Variants in TMEFF1 observed in about 807,000 individuals in gnomAD.
TMEFF1 encodes transmembrane protein with EGF like and two follistatin like domains 1, also known as tomoregulin-1.
Under a neutral mutation model 47.5 loss-of-function variants are expected in TMEFF1, and 20 were observed. The observed-to-expected ratio is 0.42, with a 90% confidence interval of 0.30 to 0.61. The LOEUF (loss-of-function observed/expected upper bound fraction) is 0.61. TMEFF1 is among the 20% of genes least tolerant of loss of function. The probability of loss-of-function intolerance (pLI) is 0.19; values close to 1 mark genes in which losing one functional copy is unlikely to be tolerated. For missense variants in TMEFF1, 411 were observed against 471.1 expected (o/e 0.87, Z 1.18); for synonymous variants, 162 against 166.3 (o/e 0.97, Z 0.20).
chr9:100,475,157 G>C (rs1001593399), intron 1 of TMEFF1, among the ~76,000 whole-genome samples: 2 of 152,164 alleles, frequency 1.3e-5, no homozygotes, highest in African/African-American at 4.8e-5. Context: ...TCTTGAAGGG[G>C]CATTATTTCT....
chr9:100,538,087 C>A (rs1054449438), intron 5 of TMEFF1, among the ~76,000 whole-genome samples: 2 of 152,030 alleles, frequency 1.3e-5, no homozygotes, highest in Non-Finnish European at 2.9e-5. Context: ...GACAGACTCT[C>A]ATGTTGCCAG....
chr9:100,477,111 G>A (rs914471429), intron 1 of TMEFF1, among the ~76,000 whole-genome samples: 2 of 152,198 alleles, frequency 1.3e-5, no homozygotes, highest in Non-Finnish European at 2.9e-5. Flanking sequence ...GTCAGGCTGT[G>A]CGTGTTGGGT....
At chr9:100,540,858 T>C (rs1049538082) in intron 5 of TMEFF1, among the ~76,000 whole-genome samples, 1 of 151,986 alleles carries the variant, frequency 6.6e-6, no homozygotes, top group African/African-American at 2.4e-5. Flanking sequence ...GTTGTTCTTA[T>C]ATGTTTCCTC....
intron 5 of TMEFF1, among the ~76,000 whole-genome samples, chr9:100,547,139 C>A (rs1564024646): frequency 6.6e-6 from 1 of 152,226 alleles, no homozygotes; most frequent in Admixed American, 6.5e-5. Flanking sequence ...CCTCAGCCTT[C>A]CAAGTAGTGG....
intron 7 of TMEFF1, among the ~76,000 whole-genome samples, chr9:100,560,574 G>A (rs1042679683): frequency 2.0e-5 from 3 of 152,106 alleles, no homozygotes; most frequent in African/African-American, 2.4e-5. Flanking sequence ...TATATACAGA[G>A]AATGAATGAG....
chr9:100,503,593 C>T (rs1037160656), intron 2 of TMEFF1, among the ~76,000 whole-genome samples: 1 of 150,504 alleles, frequency 6.6e-6, no homozygotes, highest in Admixed American at 6.6e-5. Context: ...TGAGAGCGAG[C>T]GAGCAATAAG....
rs1318879714 is a variant in TMEFF1, at chr9:100,473,772, C to A, written c.196+32C>A. On this transcript the variant is annotated intron_variant, in intron 1 of 9. Coordinates refer to ENST00000374879, the MANE Select transcript of TMEFF1 (RefSeq NM_003692.5). The surrounding 1 kb of genome is among the most constrained non-coding windows in gnomAD (Gnocchi z 5.4). ...CCGGTCGGAGCCGGCCCTAGGTCTT[C>A]CCACCCCTCCGTTGCCGCCTCCCTC... is the stretch of plus-strand genomic sequence containing the variant. The A allele has an allele frequency of 4.9e-6, 7 of 1,442,756 alleles. No homozygotes were observed. In the African/African-American group the frequency reaches 8.8e-5, roughly 18 times the overall value. 89.4% of individuals were successfully genotyped at this position (1,442,756 alleles called of 1,614,324 possible).
chr9:100,571,937 C>A (rs1489278205), intron 8 of TMEFF1, among the ~76,000 whole-genome samples: 1 of 152,022 alleles, frequency 6.6e-6, no homozygotes, highest in Non-Finnish European at 1.5e-5. Flanking sequence ...GAATCTAATG[C>A]CAGTGCTGAT....
chr9:100,473,854 G>A lies in TMEFF1; in HGVS notation c.196+114G>A. On this transcript the variant is annotated intron_variant, in intron 1 of 9. Transcript: ENST00000374879. The surrounding 1 kb of genome is among the most constrained non-coding windows in gnomAD (Gnocchi z 5.4). ...ACCCCGTCGTGGGGGTCCCAGGGGT[G>A]GGCCCGAGGGTGAGCGAGGGCGGAG... 1 of 1,251,674 alleles carries A rather than the reference G, an allele frequency of 8.0e-7. No homozygotes were observed. The highest frequency in any genetic ancestry group is 2.0e-5 in the South Asian group (1 of 49,280). 77.5% of individuals were successfully genotyped at this position (1,251,674 alleles called of 1,614,324 possible).
intron 1 of TMEFF1, among the ~76,000 whole-genome samples, chr9:100,474,174 G>A (rs1837175578): frequency 6.6e-6 from 1 of 151,188 alleles, no homozygotes; most frequent in Admixed American, 6.6e-5. Context: ...ACGGCGAGGG[G>A]GCTGGGCGGG....
chr9:100,488,490 T>C (rs1268574931), intron 1 of TMEFF1, among the ~76,000 whole-genome samples: 2 of 152,338 alleles, frequency 1.3e-5, no homozygotes, highest in African/African-American at 2.4e-5. Context: ...TATGGACACA[T>C]GAGAGGTTGT....
chr9:100,497,437 AT>A (rs916969332), intron 1 of TMEFF1, among the ~76,000 whole-genome samples: 1 of 150,680 alleles, frequency 6.6e-6, no homozygotes, highest in African/African-American at 2.4e-5. Flanking sequence ...AAGAAAGATA[AT>A]TTTTTTGTAA....
At position 100,576,652 on chromosome 9, in the gene TMEFF1, T is replaced by C; in HGVS notation, c.*52T>C. ...CCATGTGATGTACATTTATTATGTC[T>C]TTTTTTAAAGAATGGAAATATTTAT... On this transcript the variant is annotated 3_prime_UTR_variant, in exon 10 of 10. Transcript: ENST00000374879. 1 of 1,547,200 alleles carries C rather than the reference T, an allele frequency of 6.5e-7. No homozygotes were observed. Among genetic ancestry groups the C allele is most frequent in the East Asian group, 2.3e-5 (1 of 44,050 alleles).
At chr9:100,561,106 A>G (rs1587856225) in intron 7 of TMEFF1, among the ~76,000 whole-genome samples, 1 of 152,200 alleles carries the variant, frequency 6.6e-6, no homozygotes, top group African/African-American at 2.4e-5. Context: ...AAAGGTGTTT[A>G]GTTTTCTTTG....
intron 5 of TMEFF1, among the ~76,000 whole-genome samples, chr9:100,531,360 C>A (rs1015858867): frequency 6.6e-6 from 1 of 152,190 alleles, no homozygotes; most frequent in Non-Finnish European, 1.5e-5. Flanking sequence ...CCCAAAATCT[C>A]CTTAAGCTGA....
chr9:100,543,423 A>T, intron 5 of TMEFF1, among the ~76,000 whole-genome samples: 1 of 150,148 alleles, frequency 6.7e-6, no homozygotes, highest in Non-Finnish European at 1.5e-5. Context: ...TTAAAAATCG[A>T]TTTGTTCTCC....
intron 1 of TMEFF1, among the ~76,000 whole-genome samples, chr9:100,482,621 C>A (rs1474077096): frequency 6.6e-6 from 1 of 152,138 alleles, no homozygotes; most frequent in African/African-American, 2.4e-5. Flanking sequence ...AACCAGCCAG[C>A]CTCTTTTATT....
intron 5 of TMEFF1, among the ~76,000 whole-genome samples, chr9:100,540,388 C>T (rs1254425176): frequency 1.3e-5 from 2 of 152,374 alleles, no homozygotes; most frequent in East Asian, 1.9e-4. Context: ...CTCAATGGCA[C>T]TTGCCTCGGG....
chr9:100,558,852 A>G (rs1232326451), intron 7 of TMEFF1, among the ~76,000 whole-genome samples: 1 of 152,130 alleles, frequency 6.6e-6, no homozygotes, highest in African/African-American at 2.4e-5. Context: ...ACACACTTAC[A>G]TACTTAATAC....
Sources: allele counts gnomAD v4.1 joint callset (sites outside exome capture counted in the v4.1 genomes callset), GRCh38; gene constraint gnomAD v4.1.1; non-coding constraint Gnocchi (gnomAD v3.1); transcripts MANE v1.5; gene names NCBI Gene and HGNC (gene_info 2026-07-23, HGNC 2026-07-21).